CNTN5: variants seen among roughly 807,000 people sequenced by gnomAD.
The protein encoded by CNTN5 is contactin 5.
Under a neutral mutation model 129.1 loss-of-function variants are expected in CNTN5, and 77 were observed. The observed-to-expected ratio is 0.60, with a 90% CI of 0.50 to 0.72. The LOEUF (loss-of-function observed/expected upper bound fraction) is 0.72, where lower values mean the gene tolerates loss of function less well. Among genes scored for constraint, CNTN5 ranks in the 30% least tolerant of loss-of-function variants. The pLI is 0.00. For missense variants in CNTN5, 1,478 were observed against 1,328.8 expected, an observed-to-expected ratio of 1.11 and a Z score of -1.75; for synonymous variants, 509 against 465.6, an observed-to-expected ratio of 1.09 and a Z score of -1.20.
intron 21 of CNTN5, among the ~76,000 whole-genome samples, chr11:100,318,587 T>G (rs1431333369): frequency 3.3e-5 from 5 of 152,184 alleles, no homozygotes; most frequent in Non-Finnish European, 7.3e-5. Context: ...AATTATTTTA[T>G]TTTACAAATA....
chr11:99,421,060 A>T (rs141028394), intron 2 of CNTN5, among the ~76,000 whole-genome samples: 190 of 152,150 alleles, frequency 1.2e-3, no homozygotes, highest in African/African-American at 4.3e-3. Flanking sequence ...TTCATCAGAA[A>T]GAGCATGCAA....
intron 6 of CNTN5, among the ~76,000 whole-genome samples, chr11:99,885,917 T>C (rs1201697267): frequency 2.6e-5 from 4 of 152,094 alleles, no homozygotes; most frequent in Non-Finnish European, 5.9e-5. Context: ...TAACTAGAAC[T>C]TTGAACATTA....
At chr11:100,192,751 A>T (rs963568716) in intron 14 of CNTN5, among the ~76,000 whole-genome samples, 1 of 151,978 alleles carries the variant, frequency 6.6e-6, no homozygotes, top group Non-Finnish European at 1.5e-5. Context: ...AGTTGCTCTA[A>T]ACCCAGTAAA....
At chr11:99,611,983 C>T (rs1412016157) in intron 3 of CNTN5, among the ~76,000 whole-genome samples, 1 of 152,104 alleles carries the variant, frequency 6.6e-6, no homozygotes, top group African/African-American at 2.4e-5. Context: ...CAGGGGTTGT[C>T]ATCCATACTC....
chr11:99,121,799 A>C (rs1432621498), intron 1 of CNTN5, among the ~76,000 whole-genome samples: 3 of 152,218 alleles, frequency 2.0e-5, no homozygotes, highest in Non-Finnish European at 2.9e-5. Flanking sequence ...CAAGGGTCAG[A>C]TTCCTCTATT....
intron 1 of CNTN5, among the ~76,000 whole-genome samples, chr11:99,273,560 T>G (rs1348967782): frequency 1.3e-5 from 2 of 151,746 alleles, no homozygotes; most frequent in African/African-American, 4.8e-5. Context: ...CTTTCCTAGC[T>G]AAGATGTCAC....
chr11:99,407,062 C>T lies in CNTN5; in HGVS notation c.-71+81578C>T, dbSNP rs547756485. Among the ~76,000 whole-genome samples the T allele has an allele frequency of 3.3e-5, 5 of 152,208 alleles. No individual in the cohort carries two copies. The East Asian group carries it at 9.7e-4, about 30-fold the overall frequency. ...CTATCCCCCTGTGGCCAAGCGAGTA[C>T]CTAACATGAAAGAAAAAGTCCACTT... On this transcript the variant is annotated intron_variant, in intron 2 of 24. Coordinates refer to ENST00000524871, the MANE Select transcript of CNTN5 (RefSeq NM_014361.4).
At chr11:99,803,422 T>G (rs892361557) in intron 3 of CNTN5, among the ~76,000 whole-genome samples, 1 of 152,212 alleles carries the variant, frequency 6.6e-6, no homozygotes, top group African/African-American at 2.4e-5. Context: ...TTACCCTACT[T>G]TAGAGCAGGT....
chr11:99,510,132 A>G (rs1946780034), intron 2 of CNTN5, among the ~76,000 whole-genome samples: 1 of 152,096 alleles, frequency 6.6e-6, no homozygotes. Flanking sequence ...AGCCTTTATA[A>G]TTATTGTATA....
At chr11:99,172,661 T>C (rs1861199913) in intron 1 of CNTN5, among the ~76,000 whole-genome samples, 1 of 152,206 alleles carries the variant, frequency 6.6e-6, no homozygotes, top group African/African-American at 2.4e-5. Context: ...ATTAATTAAA[T>C]AAGCACAACA....
intron 7 of CNTN5, among the ~76,000 whole-genome samples, chr11:99,950,627 C>T (rs1430082390): frequency 6.6e-6 from 1 of 152,052 alleles, no homozygotes; most frequent in Non-Finnish European, 1.5e-5. Context: ...AAATTAAATC[C>T]AATTGTACGA....
At chr11:99,107,242 A>C (rs1180551013) in intron 1 of CNTN5, among the ~76,000 whole-genome samples, 1 of 152,216 alleles carries the variant, frequency 6.6e-6, no homozygotes, top group Non-Finnish European at 1.5e-5. Flanking sequence ...ACATTGGCAC[A>C]GAAAAATAGT....
chr11:100,078,482 G>A (rs1205146291), intron 13 of CNTN5, among the ~76,000 whole-genome samples: 2 of 151,984 alleles, frequency 1.3e-5, no homozygotes, highest in Non-Finnish European at 2.9e-5. Context: ...ACTCCCTTCA[G>A]ATAGTAAATC....
intron 1 of CNTN5, among the ~76,000 whole-genome samples, chr11:99,257,646 G>C (rs1260595125): frequency 6.6e-6 from 1 of 151,994 alleles, no homozygotes; most frequent in Non-Finnish European, 1.5e-5. Flanking sequence ...TTTCAGGAAA[G>C]TAGTTGAATA....
At chr11:99,579,728 G>T (rs1949503344) in intron 3 of CNTN5, among the ~76,000 whole-genome samples, 1 of 146,330 alleles carries the variant, frequency 6.8e-6, no homozygotes, top group Non-Finnish European at 1.5e-5. Context: ...AGGAGATTTT[G>T]GGCTGAGACG....
At chr11:99,774,076 T>G (rs1382286430) in intron 3 of CNTN5, among the ~76,000 whole-genome samples, 1 of 152,076 alleles carries the variant, frequency 6.6e-6, no homozygotes, top group Non-Finnish European at 1.5e-5. Flanking sequence ...TTTAATCTCC[T>G]TTTTAAGTTT....
intron 9 of CNTN5, among the ~76,000 whole-genome samples, chr11:100,058,853 G>T (rs1221576070): frequency 6.6e-6 from 1 of 152,046 alleles, no homozygotes; most frequent in East Asian, 1.9e-4. Flanking sequence ...TTATTTAAAA[G>T]AAAAAATTCT....
At chr11:99,251,630 A>G (rs1769983399) in intron 1 of CNTN5, among the ~76,000 whole-genome samples, 1 of 152,020 alleles carries the variant, frequency 6.6e-6, no homozygotes, top group Non-Finnish European at 1.5e-5. Context: ...GCTGATTTCT[A>G]GGGCTATAAC....
intron 8 of CNTN5, among the ~76,000 whole-genome samples, chr11:99,959,388 T>C (rs1000072167): frequency 1.3e-5 from 2 of 152,204 alleles, no homozygotes; most frequent in Admixed American, 6.5e-5. Context: ...ATCATCTTCC[T>C]ACTAATAAAA....
Sources: gnomAD v4.1 joint callset for allele counts (sites outside exome capture counted in the v4.1 genomes callset) on GRCh38, gnomAD v4.1.1 for gene constraint, MANE v1.5 for transcripts, NCBI Gene and HGNC (gene_info 2026-07-23, HGNC 2026-07-21) for gene names.